JMJD7: variants seen among roughly 807,000 people sequenced by gnomAD.
JMJD7 encodes bifunctional peptidase and (3S)-lysyl hydroxylase JMJD7.
Under a neutral mutation model 41.1 loss-of-function variants are expected in JMJD7, and 41 were observed. The ratio of observed to expected loss-of-function variants is 1.00; its 90% CI spans 0.78 to 1.30. The LOEUF (loss-of-function observed/expected upper bound fraction) is 1.30, where lower values mean the gene tolerates loss of function less well. Among genes scored for constraint, JMJD7 ranks in the 50% most tolerant of loss-of-function variants. JMJD7 has a pLI of 0.00. For synonymous variants in JMJD7, 202 were observed against 177.2 expected, an observed-to-expected ratio of 1.14 and a Z score of -1.11; for missense variants, 480 against 420.7, an observed-to-expected ratio of 1.14 and a Z score of -1.23.
chr15:41,834,827 C>T lies in JMJD7; in HGVS notation c.152C>T (p.Pro51Leu), dbSNP rs1567165467. 6.2e-6 allele frequency: 10 copies of T among 1,614,080 alleles called. No individual in the cohort carries two copies. The highest frequency in any genetic ancestry group is 2.2e-5 in the East Asian group (1 of 44,896). Residue 51 changes from proline to leucine, a missense_variant, in exon 2 of 8, where the codon CCG becomes CTG. Physicochemically the swap from Pro to Leu is moderately conservative, Grantham distance 98. Coordinates refer to ENST00000397299, the MANE Select transcript of JMJD7 (RefSeq NM_001114632.2). Reference protein sequence around the residue: ...FYRDWVCPNRPCIIRNALQHW... With the variant: ...FYRDWVCPNRLCIIRNALQHW... The stretch of plus-strand genomic sequence containing the variant: ...CGGGACTGGGTCTGCCCCAACAGGC[C>T]GTGCATTATCCGCAACGCTCTGCAG...
chr15:41,835,084 CGTGCTGGAT>C lies in JMJD7; in HGVS notation c.342_350del (p.Asp114_Leu116del), dbSNP rs562707007. ...CTGAGCGCCGCCTGCCCCTGAGCTT[CGTGCTGGAT>C]GTGCTGGAGGGCCGGGCCCAGCACC... On this transcript the variant is annotated inframe_deletion, in exon 3 of 8. Coordinates refer to ENST00000397299, the MANE Select transcript of JMJD7 (RefSeq NM_001114632.2). The C allele has an allele frequency of 5.3e-5, 86 of 1,613,538 alleles. No individual in the cohort carries two copies. Among genetic ancestry groups the C allele is most frequent in the Non-Finnish European group, 6.9e-5 (82 of 1,180,040 alleles).
chr15:41,833,414 A>ATTTTTTTTTT (rs67111164), intron 1 of JMJD7, among the ~76,000 whole-genome samples: 6 of 32,012 alleles, frequency 1.9e-4, no homozygotes, highest in Admixed American at 6.4e-4. Context: ...ATATATATAT[A>ATTTTTTTTTT]TTTTTTTTTT....
At chr15:41,831,200 C>T (rs1016158909) in intron 1 of JMJD7, among the ~76,000 whole-genome samples, 2 of 152,176 alleles carry the variant, frequency 1.3e-5, no homozygotes, top group East Asian at 1.9e-4. Context: ...CGACCAGCTG[C>T]GGGGAGGAGC....
At chr15:41,833,772 G>T (rs974487197) in intron 1 of JMJD7, among the ~76,000 whole-genome samples, 1 of 152,054 alleles carries the variant, frequency 6.6e-6, no homozygotes, top group African/African-American at 2.4e-5. Flanking sequence ...AAAAAATACG[G>T]AAAGGGATAT....
intron 1 of JMJD7, among the ~76,000 whole-genome samples, chr15:41,831,049 G>A (rs563741218): frequency 5.0e-4 from 76 of 152,354 alleles, no homozygotes; most frequent in African/African-American, 1.7e-3. Context: ...CTGGGCTGCC[G>A]GTTCCATGGA....
Position 41,837,418 on chromosome 15 carries a change from G to T in JMJD7, c.*262G>T. 1 of 530,282 alleles carries T rather than the reference G, an allele frequency of 1.9e-6. No homozygotes were observed. Among genetic ancestry groups the T allele is most frequent in the Non-Finnish European group, 3.3e-6 (1 of 298,604 alleles). The allele number at this position is 530,282 out of a possible 1,614,324, so 32.8% of individuals were successfully genotyped here. ...AGGTGCAGCGGCACCTCTCCCCAGC[G>T]CTGTGATGTTGGGCGAGTCACTGCG... On this transcript the variant is annotated 3_prime_UTR_variant, in exon 8 of 8. Transcript: ENST00000397299.
At chr15:41,832,916 A>G (rs147215269) in intron 1 of JMJD7, among the ~76,000 whole-genome samples, 1 of 152,288 alleles carries the variant, frequency 6.6e-6, no homozygotes, top group East Asian at 1.9e-4. Context: ...CAGTAGAAAG[A>G]CACTCCAGTC....
At chr15:41,833,958 G>A (rs2140878508) in intron 1 of JMJD7, among the ~76,000 whole-genome samples, 1 of 152,140 alleles carries the variant, frequency 6.6e-6, no homozygotes, top group East Asian at 1.9e-4. Context: ...ACAGGACTCA[G>A]AGCCAATCAG....
Position 41,837,283 on chromosome 15 carries a change from G to C in JMJD7, c.*127G>C. 1 of 655,248 alleles carries C rather than the reference G, an allele frequency of 1.5e-6. No homozygotes were observed. Among genetic ancestry groups the C allele is most frequent in the South Asian group, 1.8e-5 (1 of 54,214 alleles). 40.6% of individuals were successfully genotyped at this position (655,248 alleles called of 1,614,324 possible). A position where few individuals can be genotyped will look rare whatever the true frequency, so the allele number is the denominator to read the frequency against. ...GCTGGCCCCGGGTCCAGCATGGCTT[G>C]AGATCAGCTTTGGAGGATCTTGGAA... On this transcript the variant is annotated 3_prime_UTR_variant, in exon 8 of 8. Coordinates refer to ENST00000397299, the MANE Select transcript of JMJD7 (RefSeq NM_001114632.2).
chr15:41,834,916 G>T, intron 2 of JMJD7, 23 bp downstream of exon 2: 1 of 1,613,664 alleles, frequency 6.2e-7, no homozygotes, highest in East Asian at 2.2e-5. Flanking sequence ...CTGGGGTCAG[G>T]TGTGAGCAGT....
chr15:41,835,325 G>A (rs2065295940), intron 3 of JMJD7, 102 bp downstream of exon 3: 1 of 1,471,096 alleles, frequency 6.8e-7, no homozygotes, highest in Non-Finnish European at 9.0e-7. Flanking sequence ...TATGGGCTTG[G>A]TCCTGTCAGC....
intron 1 of JMJD7, among the ~76,000 whole-genome samples, chr15:41,833,414 A>ATATATTTTTTT (rs1239528383): frequency 1.6e-4 from 5 of 32,012 alleles, no homozygotes; most frequent in Non-Finnish European, 1.8e-4. Context: ...ATATATATAT[A>ATATATTTTTTT]TTTTTTTTTT....
At chr15:41,835,458 T>C (rs2065298098) in intron 3 of JMJD7, 130 bp from the exon 4 acceptor site, 1 of 1,409,296 alleles carries the variant, frequency 7.1e-7, no homozygotes, top group South Asian at 1.4e-5. Context: ...TTTCCCAACC[T>C]CTGCCTCTTC....
intron 3 of JMJD7, 106 bp downstream of exon 3, chr15:41,835,329 T>C (rs1392835627): frequency 2.1e-6 from 3 of 1,454,616 alleles, no homozygotes; most frequent in Non-Finnish European, 2.7e-6. Context: ...GGCTTGGTCC[T>C]GTCAGCATCT....
rs1014796064 is a variant in JMJD7 at position 41,828,392 on chromosome 15, AGGCCCGGTGCC to A, written c.64+206_64+216del. 10 of 546,996 alleles carry A rather than the reference AGGCCCGGTGCC, an allele frequency of 1.8e-5. No homozygotes were observed. In the Admixed American group the frequency reaches 4.0e-4, roughly 22 times the overall value. 33.9% of individuals were successfully genotyped at this position (546,996 alleles called of 1,614,324 possible). A position where few individuals can be genotyped will look rare whatever the true frequency, so the allele number is the denominator to read the frequency against. Reference sequence around the variant, plus strand: ...GGTGATTCTGTTCACGTTGTTCCCAAGGCCCGGTGCCGTCTTGACCGTGGTCGCGGCGAAGC... The same window carrying A: ...GGTGATTCTGTTCACGTTGTTCCCAAGTCTTGACCGTGGTCGCGGCGAAGC... On this transcript the variant is annotated intron_variant, in intron 1 of 7. Coordinates refer to ENST00000397299, the MANE Select transcript of JMJD7 (RefSeq NM_001114632.2).
At chr15:41,833,461 C>T (rs1481618883) in intron 1 of JMJD7, among the ~76,000 whole-genome samples, 1 of 123,206 alleles carries the variant, frequency 8.1e-6, no homozygotes, top group Non-Finnish European at 1.7e-5. Flanking sequence ...TGCTCTGTCA[C>T]CCAGGCTGGA....
At chr15:41,834,672 T>C in intron 1 of JMJD7, 68 bp from the exon 2 acceptor site, 2 of 1,569,492 alleles carry the variant, frequency 1.3e-6, no homozygotes, top group Non-Finnish European at 1.7e-6. Context: ...AGGGAGGGCA[T>C]CTCTTGGGCA....
intron 1 of JMJD7, among the ~76,000 whole-genome samples, chr15:41,833,842 C>T (rs2065269639): frequency 6.6e-6 from 1 of 152,102 alleles, no homozygotes; most frequent in African/African-American, 2.4e-5. Flanking sequence ...AGAAGGAAGT[C>T]TTATCAATGT....
At position 41,834,850 on chromosome 15, in the gene JMJD7, C is replaced by T. The variant is rs975440632; in HGVS notation, c.175C>T (p.Gln59Ter). The change falls in exon 2 of 8, where the codon CAG becomes TAG. Residue 59 changes from glutamine (Q) to a stop codon, truncating the protein, a stop_gained. Transcript: ENST00000397299. LOFTEE classifies it high-confidence loss of function. The stretch of plus-strand genomic sequence containing the variant: ...GCCGTGCATTATCCGCAACGCTCTG[C>T]AGCACTGGCCGGCCCTCCAGAAGTG... The part of the protein sequence containing the change: ...NRPCIIRNAL[Q>*]HWPALQKWSL... 8.1e-6 allele frequency: 13 copies of T among 1,614,258 alleles called. No homozygotes were observed. The highest frequency in any genetic ancestry group is 1.1e-5 in the South Asian group (1 of 91,090).
Sources: gnomAD v4.1 joint callset for allele counts (sites outside exome capture counted in the v4.1 genomes callset) on GRCh38, gnomAD v4.1.1 for gene constraint, MANE v1.5 for transcripts, NCBI Gene and HGNC (gene_info 2026-07-23, HGNC 2026-07-21) for gene names.